ZFYVE16: variants seen among roughly 807,000 people sequenced by gnomAD.
The protein encoded by ZFYVE16 is zinc finger FYVE domain-containing protein 16.
A neutral mutation model predicts 138.1 loss-of-function variants in ZFYVE16; 89 were observed. The observed-to-expected ratio is 0.64, with a 90% CI of 0.54 to 0.77. The LOEUF (loss-of-function observed/expected upper bound fraction) is 0.77, where lower values mean the gene tolerates loss of function less well. ZFYVE16 is among the 30% of genes least tolerant of loss of function. The pLI is 0.00. For missense variants in ZFYVE16, 1,793 were observed against 1,786.7 expected (o/e 1.00, Z -0.06); for synonymous variants, 596 against 618.3 (o/e 0.96, Z 0.53).
intron 1 of ZFYVE16, among the ~76,000 whole-genome samples, chr5:80,421,676 C>G (rs913540577): frequency 1.3e-5 from 2 of 152,108 alleles, no homozygotes; most frequent in African/African-American, 4.8e-5. Flanking sequence ...GTACCAGTAC[C>G]GTGCTGTTTT....
At chr5:80,465,391 C>CTTTTTTTTTTTTTTTTTT in intron 15 of ZFYVE16, among the ~76,000 whole-genome samples, 1 of 33,930 alleles carries the variant, frequency 2.9e-5, no homozygotes, top group Non-Finnish European at 9.8e-5. Context: ...TTTTTTTTTC[C>CTTTTTTTTTTTTTTTTTT]TTTTCTTTGT....
At chr5:80,434,619 A>G (rs1184646879) in intron 3 of ZFYVE16, among the ~76,000 whole-genome samples, 1 of 152,046 alleles carries the variant, frequency 6.6e-6, no homozygotes, top group South Asian at 2.1e-4. Context: ...CCATAGGTGC[A>G]TGCCACCATG....
chr5:80,457,997 G>A (rs1250467011), intron 14 of ZFYVE16, among the ~76,000 whole-genome samples: 5 of 143,054 alleles, frequency 3.5e-5, no homozygotes, highest in South Asian at 2.2e-4. Flanking sequence ...CTGCACTCCC[G>A]CCTGAGCGAC....
chr5:80,448,352 T>A lies in ZFYVE16; in HGVS notation c.3051T>A (p.Asn1017Lys). ...YVCNKISLLP[N>K]DEDSLPPLLV... ...GCAATAAGATTAGTCTTCTACCTAA[T>A]GATGAGGACAGTTTGCCCCCACTTC... The change falls in exon 8 of 19, where the codon AAT becomes AAA. Residue 1017 changes from asparagine to lysine, a missense_variant. Coordinates refer to ENST00000505560, the MANE Select transcript of ZFYVE16 (RefSeq NM_001284236.3). The A allele has an allele frequency of 6.3e-7, 1 of 1,594,984 alleles. No individual in the cohort carries two copies. The highest frequency in any genetic ancestry group is 8.5e-7 in the Non-Finnish European group (1 of 1,172,000).
chr5:80,413,657 A>G (rs1208612481), intron 1 of ZFYVE16, among the ~76,000 whole-genome samples: 1 of 152,182 alleles, frequency 6.6e-6, no homozygotes, highest in Non-Finnish European at 1.5e-5. Context: ...GGTAGCTAAT[A>G]ATATGATGGA....
intron 5 of ZFYVE16, chr5:80,440,504 A>G: frequency 1.0e-6 from 1 of 985,466 alleles, no homozygotes; most frequent in African/African-American, 1.7e-5. Flanking sequence ...TTATAAATTC[A>G]TAGGACTGCC....
intron 7 of ZFYVE16, among the ~76,000 whole-genome samples, chr5:80,446,064 T>A (rs1420765262): frequency 1.3e-5 from 2 of 151,788 alleles, no homozygotes; most frequent in East Asian, 3.9e-4. Flanking sequence ...CCTGACTAAT[T>A]TTTGTATTTT....
chr5:80,474,165 T>C (rs1754665033), intron 17 of ZFYVE16, among the ~76,000 whole-genome samples: 1 of 152,208 alleles, frequency 6.6e-6, no homozygotes, highest in Non-Finnish European at 1.5e-5. Flanking sequence ...AAATAAGATA[T>C]TGTCATTAAT....
chr5:80,419,968 C>T (rs992864263), intron 1 of ZFYVE16, among the ~76,000 whole-genome samples: 22 of 151,522 alleles, frequency 1.5e-4, no homozygotes, highest in African/African-American at 3.6e-4. Flanking sequence ...CACTCCACCA[C>T]GCCTGGCTAA....
In ZFYVE16 at chr5:80,474,730, T is replaced by C. The variant is rs758807562; in HGVS notation, c.4361T>C (p.Ile1454Thr). 1 of 1,613,936 alleles carries C rather than the reference T, an allele frequency of 6.2e-7. No homozygotes were observed. The highest frequency in any genetic ancestry group is 1.1e-5 in the South Asian group (1 of 91,056). The change falls in exon 18 of 19, where the codon ATA (isoleucine) becomes ACA (threonine). Residue 1454 changes from isoleucine to threonine, a missense_variant. Physicochemically the swap from Ile to Thr is moderately conservative, Grantham distance 89. Coordinates refer to ENST00000505560, the MANE Select transcript of ZFYVE16 (RefSeq NM_001284236.3). The part of the protein sequence containing the change: ...LSTSYQFAKE[I>T]AMACSAALCP... ...ACTTCTTATCAGTTTGCAAAAGAAA[T>C]AGCCATGGCTTGTAGTGCTGCGCTG...
At chr5:80,455,649 T>G (rs754685121) in intron 11 of ZFYVE16, 43 bp from the exon 12 acceptor site, 128 of 1,445,084 alleles carry the variant, frequency 8.9e-5, no homozygotes, top group Admixed American at 3.6e-4. Flanking sequence ...TAATTTGGGG[T>G]TTTTTTTGTT....
intron 3 of ZFYVE16, chr5:80,435,832 C>T (rs1458356134): frequency 6.3e-6 from 2 of 319,818 alleles, no homozygotes; most frequent in Non-Finnish European, 1.3e-5. Context: ...ACCGTGGCTT[C>T]CCAAAGCGCT....
chr5:80,468,159 T>C (rs1336942054), intron 15 of ZFYVE16, among the ~76,000 whole-genome samples: 1 of 152,214 alleles, frequency 6.6e-6, no homozygotes, highest in Non-Finnish European at 1.5e-5. Context: ...AAAAGGTCCA[T>C]GGGAATTTTT....
At chr5:80,472,070 G>A (rs1754437878) in intron 15 of ZFYVE16, among the ~76,000 whole-genome samples, 1 of 151,952 alleles carries the variant, frequency 6.6e-6, no homozygotes, top group Non-Finnish European at 1.5e-5. Flanking sequence ...TGTTCCCCAT[G>A]CTGTAACACT....
At chr5:80,446,978 T>G (rs183596044) in intron 7 of ZFYVE16, among the ~76,000 whole-genome samples, 65 of 152,194 alleles carry the variant, frequency 4.3e-4, no homozygotes, top group Admixed American at 1.5e-3. Flanking sequence ...AGATGGATAC[T>G]AGGCCTGGCG....
intron 15 of ZFYVE16, among the ~76,000 whole-genome samples, chr5:80,469,637 A>G (rs1376382213): frequency 6.6e-6 from 1 of 152,068 alleles, no homozygotes; most frequent in East Asian, 1.9e-4. Flanking sequence ...GGACTCTGTC[A>G]CTGTATGTGT....
intron 1 of ZFYVE16, among the ~76,000 whole-genome samples, chr5:80,426,238 G>C (rs1305132017): frequency 6.3e-5 from 8 of 127,330 alleles, no homozygotes; most frequent in African/African-American, 2.4e-4. Context: ...GTATGTGTGT[G>C]TGTCTGTGTG....
chr5:80,431,600 G>C (rs1389406851), intron 2 of ZFYVE16, among the ~76,000 whole-genome samples: 1 of 152,128 alleles, frequency 6.6e-6, no homozygotes. Flanking sequence ...CACTCAGGCA[G>C]GAGAAGGAAA....
Position 80,472,846 on chromosome 5 carries a change from T to C in ZFYVE16, c.4110T>C (p.Cys1370=). ...AACAGAAAGACTTTAAAATTACATG[T>C]GGGAAAGTTGATGCAGTAGACCTGA... ...LREQKDFKIT[C]GKVDAVDLRE... Residue 1370 remains cysteine, a synonymous_variant, in exon 16 of 19, where the codon TGT becomes TGC. Coordinates refer to ENST00000505560, the MANE Select transcript of ZFYVE16 (RefSeq NM_001284236.3). The C allele has an allele frequency of 6.2e-7, 1 of 1,613,976 alleles. No individual in the cohort carries two copies.
Sources: gnomAD v4.1 joint callset for allele counts (sites outside exome capture counted in the v4.1 genomes callset) on GRCh38, gnomAD v4.1.1 for gene constraint, MANE v1.5 for transcripts, NCBI Gene and HGNC (gene_info 2026-07-23, HGNC 2026-07-21) for gene names.